Variants in COL8A2 observed in about 807,000 individuals in gnomAD.
The protein encoded by COL8A2 is collagen alpha-2(VIII) chain.
COL8A2 carries 16 observed loss-of-function variants against 24.0 expected under a neutral mutation model. The observed-to-expected ratio is 0.67, with a 90% CI of 0.45 to 1.01. The LOEUF (loss-of-function observed/expected upper bound fraction) is 1.01. COL8A2 is among the 50% of genes least tolerant of loss of function. The probability of loss-of-function intolerance (pLI) is 0.00; values close to 1 mark genes in which losing one functional copy is unlikely to be tolerated. For synonymous variants in COL8A2, 466 were observed against 424.5 expected (o/e 1.10, Z -1.20); for missense variants, 818 against 942.4 (o/e 0.87, Z 1.73).
chr1:36,097,668 G>A lies in COL8A2; in HGVS notation c.2013C>T (p.Asp671=). 6.2e-7 allele frequency: 1 copy of A among 1,613,666 alleles called. No homozygotes were observed. Among genetic ancestry groups the A allele is most frequent in the Non-Finnish European group, 8.5e-7 (1 of 1,180,024 alleles). The change falls in exon 4 of 4, where the codon GAC becomes GAT. Residue 671 remains aspartate (D), a synonymous_variant. Transcript: ENST00000397799. The stretch of plus-strand genomic sequence containing the variant: ...CCGACGGCATCTGCACCCAGACCTG[G>A]TCGTTGGGCCGCAGCTGGAGCACGG... ...GGAVLQLRPN[D]QVWVQMPSDQ...
intron 2 of COL8A2, among the ~76,000 whole-genome samples, chr1:36,110,349 T>C (rs1035339206): frequency 1.3e-5 from 2 of 152,124 alleles, no homozygotes; most frequent in African/African-American, 4.8e-5. Flanking sequence ...GCTACCCTGA[T>C]GACCTGGAAG....
intron 2 of COL8A2, among the ~76,000 whole-genome samples, chr1:36,104,614 T>C (rs1262793429): frequency 2.0e-5 from 3 of 151,962 alleles, no homozygotes; most frequent in East Asian, 1.9e-4. Flanking sequence ...GAGATCATAG[T>C]GAAACCCCGT....
At chr1:36,120,617 G>C (rs1030310995) in intron 1 of COL8A2, among the ~76,000 whole-genome samples, 4 of 151,674 alleles carry the variant, frequency 2.6e-5, no homozygotes, top group Non-Finnish European at 4.4e-5. Context: ...GCTTGGCAGC[G>C]TGTGCCTGTA....
intron 2 of COL8A2, among the ~76,000 whole-genome samples, chr1:36,106,269 A>C (rs559017940): frequency 2.0e-4 from 31 of 151,834 alleles, no homozygotes; most frequent in East Asian, 3.9e-4. Flanking sequence ...GTCAAAAAAA[A>C]AACAACAAAA....
In COL8A2 at chr1:36,102,725, G is replaced by A. The variant is rs573919790; in HGVS notation, c.-16-2467C>T. On this transcript the variant is annotated intron_variant, in intron 2 of 3. Transcript: ENST00000397799. The stretch of plus-strand genomic sequence containing the variant: ...CTTGTTCTGTTGCCCAGGCTGGAGT[G>A]CAGTGGTGCCATCTCAGCTCACTGC... 1.3e-3 allele frequency among the ~76,000 whole-genome samples: 172 copies of A among 135,102 alleles called. 1 individual carries two copies. Among genetic ancestry groups the A allele is most frequent in the African/African-American group, 4.9e-3 (171 of 34,822 alleles). 88.6% of individuals were successfully genotyped at this position (135,102 alleles called of 152,430 possible).
rs754742389 is a variant in COL8A2, at chr1:36,100,049, C to T, written c.193+1G>A. 6 of 1,611,232 alleles carry T rather than the reference C, an allele frequency of 3.7e-6. No individual in the cohort carries two copies. Among genetic ancestry groups the T allele is most frequent in the Non-Finnish European group, 5.1e-6 (6 of 1,177,840 alleles). ...GCACTGTGGGGTGAGGAGGCTCTCACCCAGGTACTGGCCTTTGCCCTCACG... is the reference window on the plus strand; with the variant it reads ...GCACTGTGGGGTGAGGAGGCTCTCATCCAGGTACTGGCCTTTGCCCTCACG... On this transcript the variant is annotated splice_donor_variant, in intron 3 of 3. Coordinates refer to ENST00000397799, the MANE Select transcript of COL8A2 (RefSeq NM_005202.4). LOFTEE classifies it high-confidence loss of function.
At chr1:36,100,499 G>A (rs1029159141) in intron 2 of COL8A2, among the ~76,000 whole-genome samples, 2 of 151,944 alleles carry the variant, frequency 1.3e-5, no homozygotes, top group Admixed American at 1.3e-4. Flanking sequence ...CACCATCTCC[G>A]AGAGCCCAGC....
In COL8A2 at chr1:36,098,766, G is replaced by A. The variant is rs200964811; in HGVS notation, c.915C>T (p.Gly305=). The change falls in exon 4 of 4, where the codon GGC becomes GGT. Residue 305 remains glycine (G), a synonymous_variant. Transcript: ENST00000397799. ...SGAKGEPGTR[G]PPGLIGPTGY... is the part of the protein sequence containing the mutation. ...CAGTGGGGCCTATCAGCCCAGGGGG[G>A]CCCCGGGTCCCTGGCTCCCCTTTGG... 2.0e-5 allele frequency: 33 copies of A among 1,611,580 alleles called. No homozygotes were observed. Among genetic ancestry groups the A allele is most frequent in the Non-Finnish European group, 2.5e-5 (30 of 1,179,568 alleles).
At position 36,100,057 on chromosome 1, in the gene COL8A2, C is replaced by T. The variant is rs199989273; in HGVS notation, c.186G>A (p.Gln62=). The change falls in exon 3 of 4, where the codon CAG becomes CAA. Residue 62 remains glutamine (Q), a synonymous_variant. Coordinates refer to ENST00000397799, the MANE Select transcript of COL8A2 (RefSeq NM_005202.4). The part of the protein sequence containing the change: ...VGPPFREGKG[Q]YLEMPLPLLP... ...GGGTGAGGAGGCTCTCACCCAGGTA[C>T]TGGCCTTTGCCCTCACGGAAGGGCG... 2 of 1,611,790 alleles carry T rather than the reference C, an allele frequency of 1.2e-6. No individual in the cohort carries two copies. Among genetic ancestry groups the T allele is most frequent in the East Asian group, 4.5e-5 (2 of 44,792 alleles).
At position 36,098,069 on chromosome 1, in the gene COL8A2, C is replaced by T; in HGVS notation, c.1612G>A (p.Glu538Lys). ...GPPGAPGAFDETGIAGLHLPN... is the reference protein window; with the variant it reads ...GPPGAPGAFDKTGIAGLHLPN... ...AGGTGCAAGCCTGCGATGCCAGTCT[C>T]ATCGAAGGCCCCAGGGGCACCAGGG... The change falls in exon 4 of 4, where the codon GAG (glutamate) becomes AAG (lysine). Residue 538 changes from glutamate (E) to lysine (K), a missense_variant. Coordinates refer to ENST00000397799, the MANE Select transcript of COL8A2 (RefSeq NM_005202.4). 6.4e-7 allele frequency: 1 copy of T among 1,573,236 alleles called. No homozygotes were observed. The highest frequency in any genetic ancestry group is 8.6e-7 in the Non-Finnish European group (1 of 1,164,220).
At position 36,095,900 on chromosome 1, in the gene COL8A2, T is replaced by C. The variant is rs1643555767; in HGVS notation, c.*1669A>G. 1 of 152,140 alleles carries C rather than the reference T, an allele frequency of 6.6e-6. No individual in the cohort carries two copies. The highest frequency in any genetic ancestry group is 1.5e-5 in the Non-Finnish European group (1 of 68,038). The allele number at this position is 152,140 out of a possible 1,614,324, so 9.4% of individuals were successfully genotyped here. A position where few individuals can be genotyped will look rare whatever the true frequency, so the allele number is the denominator to read the frequency against. ...CCTTCTCAAGTGTCACTTGGGCAGA[T>C]TTGGGTTATCATTCCTCCTTTTGAA... On this transcript the variant is annotated 3_prime_UTR_variant, in exon 4 of 4. Coordinates refer to ENST00000397799, the MANE Select transcript of COL8A2 (RefSeq NM_005202.4).
In COL8A2 at chr1:36,097,871, C is replaced by T. The variant is rs1197196296; in HGVS notation, c.1810G>A (p.Gly604Ser). ...FDRTLYNGHS[G>S]YNPATGIFTC... The stretch of plus-strand genomic sequence containing the variant: ...AAGATGCCAGTGGCTGGGTTGTAGC[C>T]GCTGTGGCCATTGTAGAGAGTCCGG... The change falls in exon 4 of 4, where the codon GGC (glycine) becomes AGC (serine). Residue 604 changes from glycine (G) to serine (S), a missense_variant. Around this residue, in one of 3 missense-constraint regions of COL8A2, gnomAD observed 235 missense variants for 297.3 expected, o/e 0.79. Coordinates refer to ENST00000397799, the MANE Select transcript of COL8A2 (RefSeq NM_005202.4). 9 of 1,612,712 alleles carry T rather than the reference C, an allele frequency of 5.6e-6. No homozygotes were observed. The East Asian group carries it at 6.7e-5, about 12-fold the overall frequency.
intron 2 of COL8A2, among the ~76,000 whole-genome samples, chr1:36,112,064 C>T (rs993281686): frequency 5.3e-5 from 8 of 152,104 alleles, no homozygotes; most frequent in African/African-American, 9.7e-5. Context: ...AGTGCAGTGA[C>T]GCGATCTTGG....
At chr1:36,113,310 AC>A (rs1643863996) in intron 2 of COL8A2, among the ~76,000 whole-genome samples, 2 of 151,742 alleles carry the variant, frequency 1.3e-5, no homozygotes, top group African/African-American at 4.8e-5. Context: ...TCACTATCCC[AC>A]CTATCCACCC....
chr1:36,118,866 G>A (rs1643891762), intron 1 of COL8A2, among the ~76,000 whole-genome samples: 1 of 152,222 alleles, frequency 6.6e-6, no homozygotes, highest in Non-Finnish European at 1.5e-5. Flanking sequence ...ACTACGGGCA[G>A]GCTCTGGACT....
intron 3 of COL8A2, 48 bp from the exon 4 acceptor site, chr1:36,099,535 C>T (rs1557739366): frequency 7.3e-7 from 1 of 1,373,584 alleles, no homozygotes; most frequent in African/African-American, 1.4e-5. Flanking sequence ...ACTGTGGGGA[C>T]AGGGGACCCC....
rs1308935315 is a variant in COL8A2 at position 36,098,360 on chromosome 1, C to T, written c.1321G>A (p.Ala441Thr). Reference protein sequence around the residue: ...FTGRPGGPGVAGALGQKGDLG... With the variant: ...FTGRPGGPGVTGALGQKGDLG... Reference sequence around the variant, plus strand: ...TCACCTTTCTGCCCCAGGGCTCCTGCCACCCCTGGTCCTCCAGGGCGACCC... The same window carrying T: ...TCACCTTTCTGCCCCAGGGCTCCTGTCACCCCTGGTCCTCCAGGGCGACCC... Residue 441 changes from alanine to threonine, a missense_variant, in exon 4 of 4, where the codon GCA becomes ACA. By Grantham distance (58) the Ala-to-Thr change is moderately conservative. This residue lies in a region of COL8A2 where 573 missense variants were observed against 616.8 expected (regional missense o/e 0.93). Coordinates refer to ENST00000397799, the MANE Select transcript of COL8A2 (RefSeq NM_005202.4). The T allele has an allele frequency of 3.2e-6, 5 of 1,551,892 alleles. No homozygotes were observed. Among genetic ancestry groups the T allele is most frequent in the Admixed American group, 1.9e-5 (1 of 51,790 alleles).
chr1:36,124,251 G>A (rs1643934852), intron 1 of COL8A2, among the ~76,000 whole-genome samples: 1 of 152,212 alleles, frequency 6.6e-6, no homozygotes, highest in Non-Finnish European at 1.5e-5. Flanking sequence ...ACACACACGT[G>A]CGTGCACACA....
intron 1 of COL8A2, among the ~76,000 whole-genome samples, chr1:36,119,018 C>T (rs1264528473): frequency 6.6e-6 from 1 of 152,180 alleles, no homozygotes; most frequent in Non-Finnish European, 1.5e-5. Context: ...AATGGGAACT[C>T]CAGGCATTAT....
Sources: gnomAD v4.1 joint callset for allele counts (sites outside exome capture counted in the v4.1 genomes callset) on GRCh38, gnomAD v4.1.1 for gene constraint, gnomAD v4.1.1 regional missense constraint, MANE v1.5 for transcripts, NCBI Gene and HGNC (gene_info 2026-07-23, HGNC 2026-07-21) for gene names.